DOK6: variants seen among roughly 807,000 people sequenced by gnomAD.
DOK6 encodes downstream of tyrosine kinase 6.
In DOK6, 22 loss-of-function variants were observed where a neutral mutation model predicts 44.0. The observed-to-expected ratio is 0.50, with a 90% CI of 0.36 to 0.71. The LOEUF (loss-of-function observed/expected upper bound fraction) is 0.71. Among genes scored for constraint, DOK6 ranks in the 30% least tolerant of loss-of-function variants. The probability of loss-of-function intolerance (pLI) is 0.00; values close to 1 mark genes in which losing one functional copy is unlikely to be tolerated. For synonymous variants in DOK6, 166 were observed against 145.5 expected, an observed-to-expected ratio of 1.14 and a Z score of -1.01; for missense variants, 340 against 416.4, an observed-to-expected ratio of 0.82 and a Z score of 1.60.
chr18:69,679,427 G>C (rs1403192695), intron 4 of DOK6, among the ~76,000 whole-genome samples: 4 of 152,108 alleles, frequency 2.6e-5, no homozygotes, highest in Non-Finnish European at 5.9e-5. Context: ...TTCCATTTGA[G>C]TTTTTAGAAA....
intron 1 of DOK6, among the ~76,000 whole-genome samples, chr18:69,500,217 A>C (rs560574649): frequency 6.6e-6 from 1 of 152,270 alleles, no homozygotes; most frequent in African/African-American, 2.4e-5. Context: ...GCTTCAAGGC[A>C]CTGACGTTAT....
intron 5 of DOK6, among the ~76,000 whole-genome samples, chr18:69,719,321 A>T (rs374846010): frequency 1.3e-5 from 2 of 152,346 alleles, no homozygotes; most frequent in African/African-American, 4.8e-5. Flanking sequence ...TGAGGGGTCA[A>T]CAGGACTGGT....
intron 2 of DOK6, among the ~76,000 whole-genome samples, chr18:69,595,522 T>C (rs1400481510): frequency 5.9e-5 from 9 of 152,162 alleles, no homozygotes; most frequent in Admixed American, 5.9e-4. Flanking sequence ...GCTGCTGATT[T>C]CTTTGGACAT....
chr18:69,655,808 A>G (rs900816226), intron 3 of DOK6, among the ~76,000 whole-genome samples: 1 of 150,954 alleles, frequency 6.6e-6, no homozygotes, highest in Non-Finnish European at 1.5e-5. Context: ...ATAAAATATG[A>G]AGATATAAAA....
At chr18:69,433,955 G>C (rs980797227) in intron 1 of DOK6, among the ~76,000 whole-genome samples, 1 of 152,178 alleles carries the variant, frequency 6.6e-6, no homozygotes, top group Non-Finnish European at 1.5e-5. Context: ...AAAACTACAT[G>C]TACTAACTTT....
chr18:69,792,269 G>A lies in DOK6; in HGVS notation c.856+34396G>A, dbSNP rs551569355. ...TAGTTTTAATAGAATTGTCTTTTCT[G>A]TTTCCGTGAAGAATGTTATCGGTAT... On this transcript the variant is annotated intron_variant, in intron 7 of 7. Coordinates refer to ENST00000382713, the MANE Select transcript of DOK6 (RefSeq NM_152721.6). Among the ~76,000 whole-genome samples the A allele has an allele frequency of 5.9e-4, 89 of 152,072 alleles. 1 individual carries two copies. Among genetic ancestry groups the A allele is most frequent in the African/African-American group, 2.1e-3 (87 of 41,526 alleles).
intron 2 of DOK6, among the ~76,000 whole-genome samples, chr18:69,571,061 T>A (rs1353267577): frequency 6.6e-6 from 1 of 151,988 alleles, no homozygotes; most frequent in Non-Finnish European, 1.5e-5. Flanking sequence ...AATGTATGAA[T>A]ATTTAATATA....
At chr18:69,431,458 C>T (rs1230117418) in intron 1 of DOK6, among the ~76,000 whole-genome samples, 1 of 152,128 alleles carries the variant, frequency 6.6e-6, no homozygotes, top group Non-Finnish European at 1.5e-5. Flanking sequence ...AAGTTTCTGA[C>T]AGCAAACAAG....
chr18:69,778,040 T>G (rs1347812875), intron 7 of DOK6: 1 of 152,018 alleles, frequency 6.6e-6, no homozygotes, highest in Admixed American at 6.6e-5. Flanking sequence ...ATAAAACAAT[T>G]TTTATAAGCA....
At chr18:69,742,245 T>C (rs1194356656) in intron 6 of DOK6, among the ~76,000 whole-genome samples, 4 of 151,686 alleles carry the variant, frequency 2.6e-5, no homozygotes, top group Admixed American at 6.6e-5. Context: ...AGAAACCCTG[T>C]CTCTACTAAA....
chr18:69,631,484 T>C (rs1984688878), intron 3 of DOK6, among the ~76,000 whole-genome samples: 1 of 152,224 alleles, frequency 6.6e-6, no homozygotes. Flanking sequence ...TACCCATCTG[T>C]CACTGTTCAA....
At chr18:69,840,901 G>A (rs1186115701) in intron 7 of DOK6, among the ~76,000 whole-genome samples, 1 of 152,290 alleles carries the variant, frequency 6.6e-6, no homozygotes, top group Admixed American at 6.5e-5. Flanking sequence ...AGCTTTTTCT[G>A]GGGAAAAGCT....
intron 7 of DOK6, among the ~76,000 whole-genome samples, chr18:69,840,973 C>T (rs1184459190): frequency 1.3e-5 from 2 of 152,166 alleles, no homozygotes; most frequent in East Asian, 3.9e-4. Flanking sequence ...AGAAAATCTA[C>T]CTAGCTCTCT....
At chr18:69,692,545 A>T (rs1986290953) in intron 4 of DOK6, among the ~76,000 whole-genome samples, 1 of 152,256 alleles carries the variant, frequency 6.6e-6, no homozygotes, top group African/African-American at 2.4e-5. Flanking sequence ...CCATCAGAGA[A>T]TCTCAGTTAA....
chr18:69,502,499 G>A (rs924686287), intron 1 of DOK6, among the ~76,000 whole-genome samples: 1 of 152,102 alleles, frequency 6.6e-6, no homozygotes, highest in Non-Finnish European at 1.5e-5. Flanking sequence ...AGTCCCAAGC[G>A]AATAGAGCTT....
chr18:69,502,813 A>G (rs1267733426), intron 1 of DOK6, among the ~76,000 whole-genome samples: 2 of 152,130 alleles, frequency 1.3e-5, no homozygotes, highest in Non-Finnish European at 2.9e-5. Context: ...ATAAGTTTTC[A>G]TTACTGAAAC....
At chr18:69,599,342 A>G (rs1419252937) in intron 2 of DOK6, 42 bp from the exon 3 acceptor site, 1 of 1,423,292 alleles carries the variant, frequency 7.0e-7, no homozygotes, top group East Asian at 2.3e-5. Flanking sequence ...AACATACAGC[A>G]TACATACTGT....
intron 1 of DOK6, among the ~76,000 whole-genome samples, chr18:69,407,006 G>A (rs749351281): frequency 2.4e-4 from 37 of 152,170 alleles, no homozygotes; most frequent in Admixed American, 1.9e-3. Flanking sequence ...GCTTGAACTC[G>A]AGAGGTGGAG....
chr18:69,755,343 C>T (rs1257070178), intron 6 of DOK6, among the ~76,000 whole-genome samples: 6 of 152,242 alleles, frequency 3.9e-5, no homozygotes, highest in Admixed American at 1.3e-4. Flanking sequence ...GAAGAAAAAG[C>T]ACTTTCATCA....
Sources: allele counts gnomAD v4.1 joint callset (sites outside exome capture counted in the v4.1 genomes callset), GRCh38; gene constraint gnomAD v4.1.1; transcripts MANE v1.5; gene names NCBI Gene and HGNC (gene_info 2026-07-23, HGNC 2026-07-21).